The following CCNJL variants were observed in gnomAD, a reference collection of about 807,000 sequenced individuals.
CCNJL encodes cyclin J like.
Under a neutral mutation model 33.4 loss-of-function variants are expected in CCNJL, and 33 were observed. That is an observed-to-expected ratio of 0.99 (90% CI 0.75 to 1.32). The LOEUF is 1.32. Ranked by LOEUF, CCNJL falls within the 40% of genes most tolerant of loss-of-function variation. The probability of loss-of-function intolerance (pLI) is 0.00; values close to 1 mark genes in which losing one functional copy is unlikely to be tolerated. For synonymous variants in CCNJL, 227 were observed against 220.9 expected (o/e 1.03, Z -0.24); for missense variants, 512 against 499.7 (o/e 1.02, Z -0.23).
At position 160,300,704 on chromosome 5, in the gene CCNJL, A is replaced by G. The variant is rs548012303; in HGVS notation, c.66+11154T>C. On this transcript the variant is annotated intron_variant, in intron 2 of 5. Transcript: ENST00000257536. ...CACTCTTTTTTTTAAAAAAAGAGAT[A>G]GGGGTTTCACTCTGGCATAATCATA... 2.6e-5 allele frequency among the ~76,000 whole-genome samples: 4 copies of G among 152,182 alleles called. No individual in the cohort carries two copies. The South Asian group carries it at 8.3e-4, about 32-fold the overall frequency.
At chr5:160,273,803 C>A (rs1761919332) in intron 3 of CCNJL, among the ~76,000 whole-genome samples, 1 of 151,934 alleles carries the variant, frequency 6.6e-6, no homozygotes, top group Non-Finnish European at 1.5e-5. Flanking sequence ...CCCACCACCA[C>A]AACCGGCTAA....
chr5:160,301,280 G>T (rs918635046), intron 2 of CCNJL, among the ~76,000 whole-genome samples: 1 of 152,160 alleles, frequency 6.6e-6, no homozygotes, highest in Non-Finnish European at 1.5e-5. Flanking sequence ...AAAAGGAGCA[G>T]GCAGAAAGGA....
upstream of CCNJL, among the ~76,000 whole-genome samples, chr5:160,313,625 T>A (rs1192069542): frequency 6.6e-6 from 1 of 152,202 alleles, no homozygotes; most frequent in African/African-American, 2.4e-5. Context: ...CGAACCATTT[T>A]AAAAGTGTAA....
At chr5:160,331,993 G>T (rs1176481039) in intron 1 of CCNJL, among the ~76,000 whole-genome samples, 1 of 152,016 alleles carries the variant, frequency 6.6e-6, no homozygotes, top group African/African-American at 2.4e-5. Flanking sequence ...CCAAGCCTCT[G>T]GTGAGTCTGA....
intron 1 of CCNJL, among the ~76,000 whole-genome samples, chr5:160,322,257 G>T (rs1232007760): frequency 6.6e-5 from 10 of 152,112 alleles, no homozygotes; most frequent in African/African-American, 2.2e-4. Flanking sequence ...TTGATGTATT[G>T]CCCTCTTCCC....
rs954058104 is a variant in CCNJL, at chr5:160,253,467, C to T, written c.1075G>A (p.Ala359Thr). 1.9e-6 allele frequency: 3 copies of T among 1,613,490 alleles called. No individual in the cohort carries two copies. Among genetic ancestry groups the T allele is most frequent in the South Asian group, 1.1e-5 (1 of 90,992 alleles). The change falls in exon 6 of 6, where the codon GCT becomes ACT. Residue 359 changes from alanine to threonine, a missense_variant. Coordinates refer to ENST00000257536, the MANE Select transcript of CCNJL (RefSeq NM_001308173.3). ...ASLSMHMAIA[A>T]EPRHCLATTY... ...GTGGCGAGGCAGTGCCTGGGCTCAGCTGCAATGGCCATATGCATGCTAAGG... is the reference window on the plus strand; with the variant it reads ...GTGGCGAGGCAGTGCCTGGGCTCAGTTGCAATGGCCATATGCATGCTAAGG...
intron 3 of CCNJL, among the ~76,000 whole-genome samples, chr5:160,267,884 C>T (rs972331173): frequency 1.3e-5 from 2 of 152,184 alleles, no homozygotes; most frequent in African/African-American, 4.8e-5. Flanking sequence ...CTCTTGACTT[C>T]AATCTCTCCT....
chr5:160,333,981 A>C lies in CCNJL; in HGVS notation n.206+5464T>G, dbSNP rs141896007. Among the ~76,000 whole-genome samples the C allele has an allele frequency of 8.9e-3, 1,358 of 152,274 alleles. 17 individuals are homozygous for C. Among genetic ancestry groups the C allele is most frequent in the African/African-American group, 0.03 (1,266 of 41,534 alleles). On this transcript the variant is annotated intron_variant and non_coding_transcript_variant, in intron 1 of 7. Transcript: ENST00000377503. Reference sequence around the variant, plus strand: ...AGGTTTTTCAGTTCCTTAAAGTCCTATCCAACAATCGTATTCTCCACCCTA... The same window carrying C: ...AGGTTTTTCAGTTCCTTAAAGTCCTCTCCAACAATCGTATTCTCCACCCTA...
At chr5:160,295,365 C>T (rs367842709) in intron 2 of CCNJL, among the ~76,000 whole-genome samples, 4 of 152,112 alleles carry the variant, frequency 2.6e-5, no homozygotes, top group East Asian at 3.9e-4. Context: ...GGTGCACACC[C>T]GTAGTCCCAG....
At chr5:160,321,879 A>G (rs1335137706) in intron 1 of CCNJL, among the ~76,000 whole-genome samples, 1 of 152,198 alleles carries the variant, frequency 6.6e-6, no homozygotes, top group Non-Finnish European at 1.5e-5. Context: ...TATATTATTA[A>G]GATCCTGAAC....
chr5:160,254,100 AC>A (rs1220862922), intron 5 of CCNJL: 16 of 461,362 alleles, frequency 3.5e-5, no homozygotes, highest in Non-Finnish European at 5.7e-5. Context: ...CCAGAGAGTA[AC>A]CTGCTCCAGA....
chr5:160,335,895 T>G (rs1763678388), intron 1 of CCNJL, among the ~76,000 whole-genome samples: 1 of 152,124 alleles, frequency 6.6e-6, no homozygotes, highest in South Asian at 2.1e-4. Context: ...CCTTGCTCTT[T>G]TTAACAGTAT....
intron 1 of CCNJL, among the ~76,000 whole-genome samples, chr5:160,321,958 C>A (rs1490282713): frequency 6.6e-6 from 1 of 152,174 alleles, no homozygotes; most frequent in East Asian, 1.9e-4. Context: ...GGTCTTTGGC[C>A]AGGCACATAG....
At position 160,250,859 on chromosome 5, in the gene CCNJL, T is replaced by C. The variant is rs1760783106; in HGVS notation, c.*2519A>G. ...TAATTATCTCCTTTTTTGGAGGTAC[T>C]GGCCTTGATGTACATTATGTTATTT... On this transcript the variant is annotated 3_prime_UTR_variant, in exon 6 of 6. Transcript: ENST00000257536. The C allele has an allele frequency of 6.6e-6, 1 of 152,210 alleles. No individual in the cohort carries two copies. The allele number at this position is 152,210 out of a possible 1,614,324, so 9.4% of individuals were successfully genotyped here. A position where few individuals can be genotyped will look rare whatever the true frequency, so the allele number is the denominator to read the frequency against.
upstream of CCNJL, among the ~76,000 whole-genome samples, chr5:160,316,706 A>C (rs1168429253): frequency 6.6e-6 from 1 of 152,200 alleles, no homozygotes; most frequent in African/African-American, 2.4e-5. Context: ...GAAAGGTAGC[A>C]TACTCTACAC....
intron 4 of CCNJL, chr5:160,258,398 G>A: frequency 1.2e-6 from 1 of 824,196 alleles, no homozygotes. Context: ...GAAGCCATAA[G>A]AAGGCTTCCT....
chr5:160,298,717 C>T (rs930775275), intron 2 of CCNJL, among the ~76,000 whole-genome samples: 2 of 152,132 alleles, frequency 1.3e-5, no homozygotes, highest in African/African-American at 4.8e-5. Flanking sequence ...CAGCTTGAGT[C>T]TACAGCTAGA....
At position 160,253,879 on chromosome 5, in the gene CCNJL, T is replaced by C. The variant is rs1016934604; in HGVS notation, c.744-81A>G. On this transcript the variant is annotated intron_variant, in intron 5 of 5. Transcript: ENST00000257536. Reference sequence around the variant, plus strand: ...GTGTGTCTCTACCTGTCTTGCTAAGTGGGACTGGAAGAGATGCGTGTGTCC... The same window carrying C: ...GTGTGTCTCTACCTGTCTTGCTAAGCGGGACTGGAAGAGATGCGTGTGTCC... 5.4e-5 allele frequency: 63 copies of C among 1,160,104 alleles called. No individual in the cohort carries two copies. In the East Asian group the frequency reaches 1.1e-3, roughly 20 times the overall value. 71.9% of individuals were successfully genotyped at this position (1,160,104 alleles called of 1,614,324 possible).
At chr5:160,300,176 C>T (rs1174806078) in intron 2 of CCNJL, among the ~76,000 whole-genome samples, 1 of 152,138 alleles carries the variant, frequency 6.6e-6, no homozygotes, top group East Asian at 1.9e-4. Flanking sequence ...ACCATCTGCT[C>T]CAGGGACCTA....
Sources: allele counts gnomAD v4.1 joint callset (sites outside exome capture counted in the v4.1 genomes callset), GRCh38; gene constraint gnomAD v4.1.1; transcripts MANE v1.5; gene names NCBI Gene and HGNC (gene_info 2026-07-23, HGNC 2026-07-21).